FSAF1: variants seen among roughly 807,000 people sequenced by gnomAD.
FSAF1 encodes 40S small subunit processome assembly factor 1.
At chr1:231,224,078 TGCACTGG>T in the FSAF1 span, 1 of 495,610 alleles carries the variant, frequency 2.0e-6, no homozygotes, top group East Asian at 3.4e-5. Context: ...ACATTCATGC[TGCACTGG>T]GCCTGACACG....
the FSAF1 span, chr1:231,224,423 A>C: frequency 2.5e-6 from 4 of 1,600,260 alleles, no homozygotes; most frequent in Middle Eastern, 1.7e-4. Flanking sequence ...TCCTACATTT[A>C]AAGTAAGAGA....
the FSAF1 span, among the ~76,000 whole-genome samples, chr1:231,232,665 T>C: frequency 6.6e-6 from 1 of 152,150 alleles, no homozygotes; most frequent in Non-Finnish European, 1.5e-5. Context: ...GGGATATGTA[T>C]GGAGATTCTG....
At chr1:231,237,231 G>C in the FSAF1 span, 2 of 152,210 alleles carry the variant, frequency 1.3e-5, no homozygotes, top group Admixed American at 1.3e-4. Flanking sequence ...CTGAATTTTA[G>C]AAAAGATTAT....
the FSAF1 span, among the ~76,000 whole-genome samples, chr1:231,236,122 G>C: frequency 1.3e-5 from 2 of 152,168 alleles, no homozygotes; most frequent in African/African-American, 2.4e-5. Context: ...GAGAACAAGG[G>C]CACAACTATA....
At chr1:231,228,105 T>C in the FSAF1 span, among the ~76,000 whole-genome samples, 4 of 152,304 alleles carry the variant, frequency 2.6e-5, no homozygotes, top group South Asian at 2.1e-4. Flanking sequence ...GCTTCAAACA[T>C]AGATCCATGG....
chr1:231,240,264 T>C, the FSAF1 span, among the ~76,000 whole-genome samples: 1 of 152,218 alleles, frequency 6.6e-6, no homozygotes, highest in East Asian at 1.9e-4. This position sits in a 1 kb window ranked among gnomAD's most constrained non-coding sequence, Gnocchi z 4.1. Flanking sequence ...ATTCCTACTG[T>C]TTAGGTGAAC....
At chr1:231,238,077 GA>G in the FSAF1 span, 1 of 152,278 alleles carries the variant, frequency 6.6e-6, no homozygotes, top group Admixed American at 6.5e-5. Context: ...AGTTACTTGG[GA>G]GGCTGAGGCA....
At chr1:231,240,535 T>TAA in the FSAF1 span, among the ~76,000 whole-genome samples, 1,225 of 144,806 alleles carry the variant, frequency 8.5e-3, 12 homozygotes, top group Non-Finnish European at 0.012. The surrounding 1 kb of genome is among the most constrained non-coding windows in gnomAD (Gnocchi z 4.1). Context: ...CGCACTTGTT[T>TAA]AAAAAAAAAA....
the FSAF1 span, chr1:231,225,806 C>T: frequency 1.2e-5 from 5 of 414,532 alleles, no homozygotes; most frequent in African/African-American, 4.0e-5. Context: ...CTGGGCAACA[C>T]AGCAAGATCC....
chr1:231,237,142 G>A, the FSAF1 span: 1 of 152,148 alleles, frequency 6.6e-6, no homozygotes, highest in South Asian at 2.1e-4. Context: ...TTACTGGCGT[G>A]AGCCACCACG....
the FSAF1 span, among the ~76,000 whole-genome samples, chr1:231,229,458 T>C: frequency 6.6e-6 from 1 of 152,296 alleles, no homozygotes; most frequent in South Asian, 2.1e-4. Context: ...TGATGGTCCC[T>C]CAAAAATTAA....
chr1:231,230,927 A>G, the FSAF1 span, among the ~76,000 whole-genome samples: 1 of 152,226 alleles, frequency 6.6e-6, no homozygotes, highest in Non-Finnish European at 1.5e-5. Flanking sequence ...TCTACTGACC[A>G]TACCATCAGC....
chr1:231,235,733 T>C, the FSAF1 span, among the ~76,000 whole-genome samples: 2 of 152,122 alleles, frequency 1.3e-5, no homozygotes, highest in African/African-American at 2.4e-5. Flanking sequence ...GGCCCAGGAA[T>C]TGGAGGCTGC....
At chr1:231,231,397 T>A in the FSAF1 span, among the ~76,000 whole-genome samples, 2 of 152,138 alleles carry the variant, frequency 1.3e-5, no homozygotes, top group Admixed American at 1.3e-4. Context: ...ATCTCCAAGA[T>A]CCCCTAAGAT....
chr1:231,232,122 T>A, the FSAF1 span, among the ~76,000 whole-genome samples: 1 of 152,228 alleles, frequency 6.6e-6, no homozygotes, highest in Admixed American at 6.5e-5. Context: ...TAATTTTTAT[T>A]TTTATTCATA....
the FSAF1 span, chr1:231,224,772 C>T: frequency 4.4e-6 from 1 of 224,828 alleles, no homozygotes; most frequent in South Asian, 1.2e-4. Flanking sequence ...CAATACTTGC[C>T]AGTACCTGAT....
the FSAF1 span, among the ~76,000 whole-genome samples, chr1:231,235,039 A>G: frequency 6.6e-6 from 1 of 152,210 alleles, no homozygotes; most frequent in African/African-American, 2.4e-5. Flanking sequence ...ACTCCAAAGT[A>G]GATTGTACAG....
At chr1:231,224,808 T>C in the FSAF1 span, 2 of 184,038 alleles carry the variant, frequency 1.1e-5, no homozygotes, top group Non-Finnish European at 2.3e-5. Flanking sequence ...CATTTGTATG[T>C]TTTGGGGTGT....
chr1:231,239,943 GA>G, the FSAF1 span, among the ~76,000 whole-genome samples: 1 of 152,192 alleles, frequency 6.6e-6, no homozygotes, highest in Non-Finnish European at 1.5e-5. Context: ...TTATTTTGCA[GA>G]ATAGTCTTTT....
Sources: allele counts gnomAD v4.1 joint callset (sites outside exome capture counted in the v4.1 genomes callset), GRCh38; gene constraint gnomAD v4.1.1; non-coding constraint Gnocchi (gnomAD v3.1); transcripts MANE v1.5; gene names NCBI Gene and HGNC (gene_info 2026-07-23, HGNC 2026-07-21).